The following CNTNAP5 variants were observed in gnomAD, a reference collection of about 807,000 sequenced individuals.
CNTNAP5 encodes contactin-associated protein-like 5.
In CNTNAP5, 72 loss-of-function variants were observed where a neutral mutation model predicts 150.2. That is an observed-to-expected ratio of 0.48 (90% CI 0.40 to 0.58). CNTNAP5 has a LOEUF of 0.58. Among genes scored for constraint, CNTNAP5 ranks in the 20% least tolerant of loss-of-function variants. The probability of loss-of-function intolerance (pLI) is 0.00; values close to 1 mark genes in which losing one functional copy is unlikely to be tolerated. For synonymous variants in CNTNAP5, 672 were observed against 619.8 expected (o/e 1.08, Z -1.25); for missense variants, 1,636 against 1,626.2 (o/e 1.01, Z -0.10).
At chr2:124,660,659 A>T (rs554777898) in intron 13 of CNTNAP5, among the ~76,000 whole-genome samples, 2 of 152,170 alleles carry the variant, frequency 1.3e-5, no homozygotes, top group Non-Finnish European at 2.9e-5. Context: ...TTGCATTTAC[A>T]GCACATTTTA....
At chr2:124,842,122 T>C (rs1287958891) in intron 19 of CNTNAP5, among the ~76,000 whole-genome samples, 2 of 152,152 alleles carry the variant, frequency 1.3e-5, no homozygotes, top group African/African-American at 4.8e-5. Context: ...AAAGACTAAT[T>C]ACTCTGTTGA....
intron 10 of CNTNAP5, among the ~76,000 whole-genome samples, chr2:124,550,640 A>G (rs1695608502): frequency 1.3e-5 from 2 of 152,230 alleles, no homozygotes; most frequent in East Asian, 1.9e-4. Context: ...GACTAACCCA[A>G]CCAGATTTCT....
chr2:124,251,228 G>A lies in CNTNAP5; in HGVS notation c.381+8835G>A, dbSNP rs544064695. Among the ~76,000 whole-genome samples the A allele has an allele frequency of 7.9e-5, 12 of 152,180 alleles. No individual in the cohort carries two copies. In the South Asian group the frequency reaches 2.5e-3, roughly 32 times the overall value. Reference sequence around the variant, plus strand: ...GTCTTGAAAATAATTCTCTAATTTAGTGACTCAAGAATTTTTCGGAAGTTA... The same window carrying A: ...GTCTTGAAAATAATTCTCTAATTTAATGACTCAAGAATTTTTCGGAAGTTA... On this transcript the variant is annotated intron_variant, in intron 3 of 23. Coordinates refer to ENST00000682447, the MANE Select transcript of CNTNAP5 (RefSeq NM_001367498.1).
At chr2:124,527,088 G>T (rs1374877097) in intron 9 of CNTNAP5, among the ~76,000 whole-genome samples, 197 bp from the exon 10 acceptor site, 1 of 152,104 alleles carries the variant, frequency 6.6e-6, no homozygotes, top group South Asian at 2.1e-4. Context: ...TTTCTCTACA[G>T]TGATGGAGTA....
chr2:124,025,546 T>A lies in CNTNAP5; in HGVS notation c.-105T>A. On this transcript the variant is annotated 5_prime_UTR_variant, in exon 1 of 24. Coordinates refer to ENST00000682447, the MANE Select transcript of CNTNAP5 (RefSeq NM_001367498.1). Reference sequence around the variant, plus strand: ...GAGCGAGTGCCTCTCCAAGCGGGGGTGGGAGGGGGTCAGGCTGTGCAGAGG... The same window carrying A: ...GAGCGAGTGCCTCTCCAAGCGGGGGAGGGAGGGGGTCAGGCTGTGCAGAGG... The A allele has an allele frequency of 1.1e-6, 1 of 903,798 alleles. No individual in the cohort carries two copies. Among genetic ancestry groups the A allele is most frequent in the Non-Finnish European group, 1.8e-6 (1 of 557,920 alleles). 56.0% of individuals were successfully genotyped at this position (903,798 alleles called of 1,614,324 possible).
intron 12 of CNTNAP5, among the ~76,000 whole-genome samples, chr2:124,647,513 G>A (rs1678227811): frequency 1.3e-5 from 2 of 152,122 alleles, no homozygotes; most frequent in Non-Finnish European, 2.9e-5. Flanking sequence ...TGAGATCATG[G>A]GATTAAATGC....
intron 1 of CNTNAP5, among the ~76,000 whole-genome samples, chr2:124,057,717 ATCTT>A (rs569038073): frequency 4.0e-5 from 6 of 151,530 alleles, no homozygotes; most frequent in African/African-American, 1.4e-4. Context: ...ACCAGAATGA[ATCTT>A]TTAATGGATA....
intron 10 of CNTNAP5, among the ~76,000 whole-genome samples, chr2:124,541,833 T>A (rs1222011985): frequency 6.6e-6 from 1 of 152,120 alleles, no homozygotes; most frequent in African/African-American, 2.4e-5. Context: ...TTTGCACACT[T>A]ATATGAGGAT....
At chr2:124,607,248 A>C (rs1348004137) in intron 11 of CNTNAP5, among the ~76,000 whole-genome samples, 1 of 152,116 alleles carries the variant, frequency 6.6e-6, no homozygotes, top group Non-Finnish European at 1.5e-5. Context: ...ATGCAGCTGC[A>C]AAAAAGATGT....
chr2:124,530,353 C>T (rs1158893619), intron 10 of CNTNAP5, among the ~76,000 whole-genome samples: 1 of 152,112 alleles, frequency 6.6e-6, no homozygotes, highest in Non-Finnish European at 1.5e-5. Flanking sequence ...AATAAAGTAG[C>T]ATTCCTACCT....
chr2:124,077,202 C>T (rs1682458111), intron 1 of CNTNAP5, among the ~76,000 whole-genome samples: 1 of 151,988 alleles, frequency 6.6e-6, no homozygotes, highest in Admixed American at 6.6e-5. Flanking sequence ...AAAATCTGTT[C>T]TCTAATCATT....
intron 1 of CNTNAP5, among the ~76,000 whole-genome samples, chr2:124,142,090 C>G (rs1165444688): frequency 6.8e-6 from 1 of 147,660 alleles, no homozygotes; most frequent in Non-Finnish European, 1.5e-5. Flanking sequence ...GAGGCGCTAA[C>G]TATCCTAAAT....
chr2:124,859,396 AAGTC>A (rs1677459829), intron 19 of CNTNAP5, among the ~76,000 whole-genome samples: 1 of 152,228 alleles, frequency 6.6e-6, no homozygotes, highest in Admixed American at 6.5e-5. Flanking sequence ...AATCATTAAA[AAGTC>A]AGGGAACAAC....
At chr2:124,212,366 A>C (rs1381351100) in intron 1 of CNTNAP5, among the ~76,000 whole-genome samples, 1 of 152,152 alleles carries the variant, frequency 6.6e-6, no homozygotes, top group Admixed American at 6.5e-5. Context: ...AGGAGGGAAA[A>C]GGGGTTTATA....
At position 124,873,033 on chromosome 2, in the gene CNTNAP5, G is replaced by C. The variant is rs1301997745; in HGVS notation, c.3436+3271G>C. Reference sequence around the variant, plus strand: ...TTTTGGCATTGCCATAAATACTTGAGACTGGGTAATTTATAAAGAAAAAAT... The same window carrying C: ...TTTTGGCATTGCCATAAATACTTGACACTGGGTAATTTATAAAGAAAAAAT... On this transcript the variant is annotated intron_variant, in intron 21 of 23. Transcript: ENST00000682447. Among the ~76,000 whole-genome samples the C allele has an allele frequency of 3.3e-5, 5 of 152,090 alleles. No individual in the cohort carries two copies. In the East Asian group the frequency reaches 9.7e-4, roughly 29 times the overall value.
intron 3 of CNTNAP5, among the ~76,000 whole-genome samples, chr2:124,356,134 G>C (rs1374072650): frequency 1.3e-5 from 2 of 152,102 alleles, no homozygotes; most frequent in Non-Finnish European, 2.9e-5. Flanking sequence ...TTTGAAAACT[G>C]TCTTCAGTAC....
chr2:124,860,976 C>A (rs1037278877), intron 19 of CNTNAP5, among the ~76,000 whole-genome samples: 14 of 151,822 alleles, frequency 9.2e-5, no homozygotes, highest in African/African-American at 3.4e-4. Context: ...TTACTGAGAA[C>A]AGGAAAAGTT....
At chr2:124,599,668 A>T (rs901777338) in intron 11 of CNTNAP5, among the ~76,000 whole-genome samples, 2 of 152,192 alleles carry the variant, frequency 1.3e-5, no homozygotes, top group Non-Finnish European at 2.9e-5. Flanking sequence ...TAAAAGGTTC[A>T]TTTGAGAAAC....
intron 12 of CNTNAP5, among the ~76,000 whole-genome samples, chr2:124,633,559 T>C (rs919350383): frequency 6.6e-6 from 1 of 152,164 alleles, no homozygotes; most frequent in African/African-American, 2.4e-5. Flanking sequence ...AGACTCACAG[T>C]GCAAGCTGTT....
Sources: gnomAD v4.1 joint callset for allele counts (sites outside exome capture counted in the v4.1 genomes callset) on GRCh38, gnomAD v4.1.1 for gene constraint, MANE v1.5 for transcripts, NCBI Gene and HGNC (gene_info 2026-07-23, HGNC 2026-07-21) for gene names.